Variants in DCDC1 observed in about 807,000 individuals in gnomAD.
DCDC1 encodes doublecortin domain containing 1.
A neutral mutation model predicts 178.3 loss-of-function variants in DCDC1; 200 were observed. The ratio of observed to expected loss-of-function variants is 1.12; its 90% CI spans 1.00 to 1.26. The LOEUF is 1.26. DCDC1 is among the 50% of genes most tolerant of loss of function. The pLI, the probability that DCDC1 is intolerant of heterozygous loss-of-function variation, is 0.00. For missense variants in DCDC1, 1,983 were observed against 1,749.2 expected (o/e 1.13, Z -2.38); for synonymous variants, 690 against 604.8 (o/e 1.14, Z -2.07).
In DCDC1 at chr11:31,241,636, A is replaced by G; in HGVS notation, c.1055-20T>C. The G allele has an allele frequency of 2.5e-6, 1 of 396,542 alleles. No individual in the cohort carries two copies. The highest frequency in any genetic ancestry group is 4.5e-6 in the Non-Finnish European group (1 of 224,294). 24.6% of individuals were successfully genotyped at this position (396,542 alleles called of 1,614,324 possible). On this transcript the variant is annotated intron_variant, in intron 8 of 38. Transcript: ENST00000684477. The stretch of plus-strand genomic sequence containing the variant: ...GAGGAACTATGCAAGAAAAGAAGGG[A>G]AAAAAATTCTTTTGACCCAACCCAA...
At position 31,065,016 on chromosome 11, in the gene DCDC1, G is replaced by T; in HGVS notation, c.2433+3C>A. On this transcript the variant is annotated splice_donor_region_variant and intron_variant, in intron 19 of 38. Coordinates refer to ENST00000684477, the MANE Select transcript of DCDC1 (RefSeq NM_001387274.1). ...TGTCTTGCCTCTGGCTCCCTACACT[G>T]ACCTCTTCTGCTAAGTTTCTGCCAT... 1 of 756,446 alleles carries T rather than the reference G, an allele frequency of 1.3e-6. No individual in the cohort carries two copies. Among genetic ancestry groups the T allele is most frequent in the South Asian group, 1.4e-5 (1 of 72,476 alleles). The allele number at this position is 756,446 out of a possible 1,614,324, so 46.9% of individuals were successfully genotyped here.
chr11:30,987,916 G>A (rs1202633556), intron 20 of DCDC1, among the ~76,000 whole-genome samples: 1 of 152,126 alleles, frequency 6.6e-6, no homozygotes, highest in African/African-American at 2.4e-5. Flanking sequence ...AAAATTGGAT[G>A]CCCCTGCTGT....
intron 9 of DCDC1, among the ~76,000 whole-genome samples, chr11:31,205,700 T>C (rs1033408282): frequency 6.6e-6 from 1 of 152,220 alleles, no homozygotes; most frequent in African/African-American, 2.4e-5. Context: ...ACCATTCACC[T>C]TAGCCCTCTT....
rs544298633 is a variant in DCDC1, at chr11:31,178,690, G to A, written c.1222-40906C>T. 7.9e-5 allele frequency among the ~76,000 whole-genome samples: 12 copies of A among 151,994 alleles called. No individual in the cohort carries two copies. The East Asian group carries it at 1.9e-3, about 24-fold the overall frequency. ...ACTCAACAATAAAAAACAAAATAAC[G>A]CAATTTTTCTTTTTTTTCCTGAGAC... On this transcript the variant is annotated intron_variant, in intron 9 of 38. Transcript: ENST00000684477.
At chr11:31,326,613 T>A (rs1460308629) in intron 3 of DCDC1, among the ~76,000 whole-genome samples, 6 of 152,170 alleles carry the variant, frequency 3.9e-5, no homozygotes, top group Non-Finnish European at 1.5e-5. Context: ...TTCATTTTTT[T>A]AAAAGCTGCA....
intron 9 of DCDC1, among the ~76,000 whole-genome samples, chr11:31,191,051 T>A (rs772839055): frequency 3.4e-4 from 51 of 152,148 alleles, no homozygotes; most frequent in Non-Finnish European, 6.2e-4. Flanking sequence ...AATCCCTAGA[T>A]AACTTATACT....
chr11:31,092,255 TCA>T (rs1196840604), intron 16 of DCDC1, among the ~76,000 whole-genome samples: 1 of 152,220 alleles, frequency 6.6e-6, no homozygotes, highest in Non-Finnish European at 1.5e-5. Flanking sequence ...ACTTTATTTC[TCA>T]TGTGTTTGCA....
intron 22 of DCDC1, among the ~76,000 whole-genome samples, chr11:30,931,540 C>G (rs1427672337): frequency 1.3e-5 from 2 of 151,974 alleles, no homozygotes; most frequent in Non-Finnish European, 2.9e-5. Context: ...TTTAAAAAAT[C>G]AGAGCTACTC....
chr11:30,893,108 A>T, intron 35 of DCDC1, 111 bp from the exon 36 acceptor site: 3 of 1,239,406 alleles, frequency 2.4e-6, no homozygotes, highest in Non-Finnish European at 3.3e-6. Context: ...TATATGGAAA[A>T]AATTTTAGGA....
chr11:31,096,729 GT>G (rs1301495001), intron 15 of DCDC1, among the ~76,000 whole-genome samples: 3 of 151,822 alleles, frequency 2.0e-5, no homozygotes, highest in Non-Finnish European at 4.4e-5. Context: ...CAAGTCTGGA[GT>G]TCTGATACGT....
rs1565015122 is a variant in DCDC1, at chr11:30,878,575, T to G, written c.*9A>C. On this transcript the variant is annotated 3_prime_UTR_variant, in exon 38 of 39. Coordinates refer to ENST00000684477, the MANE Select transcript of DCDC1 (RefSeq NM_001387274.1). ...AATACAGCAGAAAATCCGATGGTTC[T>G]GATAGGAGTTAATTGTGGAGATGTG... is the stretch of plus-strand genomic sequence containing the variant. 6.3e-7 allele frequency: 1 copy of G among 1,589,798 alleles called. No individual in the cohort carries two copies.
At chr11:30,963,395 C>T (rs1446968108) in intron 20 of DCDC1, among the ~76,000 whole-genome samples, 1 of 152,062 alleles carries the variant, frequency 6.6e-6, no homozygotes, top group African/African-American at 2.4e-5. Flanking sequence ...GTTAATTCCC[C>T]AAATCAATTT....
chr11:31,091,026 T>C (rs982609539), intron 17 of DCDC1, among the ~76,000 whole-genome samples: 1 of 152,196 alleles, frequency 6.6e-6, no homozygotes, highest in African/African-American at 2.4e-5. Context: ...CAGTTCAATG[T>C]TTTGTATTCA....
At chr11:31,132,341 G>A (rs1962546727) in intron 10 of DCDC1, among the ~76,000 whole-genome samples, 1 of 152,042 alleles carries the variant, frequency 6.6e-6, no homozygotes, top group Non-Finnish European at 1.5e-5. Context: ...ATGATAACAT[G>A]TCATCCTAAA....
intron 27 of DCDC1, among the ~76,000 whole-genome samples, chr11:30,913,452 T>G (rs1392407452): frequency 6.6e-6 from 1 of 152,038 alleles, no homozygotes; most frequent in Non-Finnish European, 1.5e-5. Context: ...TCTGTCTGGG[T>G]GTCCCTAGAG....
chr11:31,014,534 A>C (rs1355326048), intron 20 of DCDC1, among the ~76,000 whole-genome samples: 2 of 152,172 alleles, frequency 1.3e-5, no homozygotes, highest in African/African-American at 4.8e-5. Flanking sequence ...GATCCTTAGA[A>C]ACTATGTCAG....
At chr11:31,198,750 A>AAGG (rs968812594) in intron 9 of DCDC1, among the ~76,000 whole-genome samples, 3 of 152,008 alleles carry the variant, frequency 2.0e-5, no homozygotes, top group Admixed American at 2.0e-4. Context: ...TCACAACAGG[A>AAGG]ATAATTTTGG....
At chr11:31,164,095 G>C (rs1315004145) in intron 9 of DCDC1, among the ~76,000 whole-genome samples, 1 of 152,126 alleles carries the variant, frequency 6.6e-6, no homozygotes, top group African/African-American at 2.4e-5. Context: ...CTAAGGAAGA[G>C]AAATCTTTAT....
At chr11:31,152,261 T>C (rs535187898) in intron 9 of DCDC1, among the ~76,000 whole-genome samples, 5 of 152,334 alleles carry the variant, frequency 3.3e-5, no homozygotes, top group Middle Eastern at 3.4e-3. Context: ...TCTGTCGCTA[T>C]TGGGGACACA....
Sources: allele counts gnomAD v4.1 joint callset (sites outside exome capture counted in the v4.1 genomes callset), GRCh38; gene constraint gnomAD v4.1.1; transcripts MANE v1.5; gene names NCBI Gene and HGNC (gene_info 2026-07-23, HGNC 2026-07-21).